DNAJC10: variants seen among roughly 807,000 people sequenced by gnomAD.
The protein encoded by DNAJC10 is DnaJ heat shock protein family (Hsp40) member C10, also known as endoplasmic reticulum disulfide reductase DNAJC10.
Under a neutral mutation model 115.0 loss-of-function variants are expected in DNAJC10, and 101 were observed. The observed-to-expected ratio is 0.88, with a 90% CI of 0.75 to 1.04. The LOEUF is 1.04. DNAJC10 is among the 50% of genes least tolerant of loss of function. The pLI, the probability that DNAJC10 is intolerant of heterozygous loss-of-function variation, is 0.00. For missense variants in DNAJC10, 981 were observed against 928.8 expected (o/e 1.06, Z -0.73); for synonymous variants, 307 against 301.5 (o/e 1.02, Z -0.19).
chr2:182,788,977 A>C lies in DNAJC10; in HGVS notation c.*11845A>C. 3.4e-6 allele frequency: 1 copy of C among 291,268 alleles called. No homozygotes were observed. Among genetic ancestry groups the C allele is most frequent in the Non-Finnish European group, 6.7e-6 (1 of 149,522 alleles). 18.0% of individuals were successfully genotyped at this position (291,268 alleles called of 1,614,324 possible). A position where few individuals can be genotyped will look rare whatever the true frequency, so the allele number is the denominator to read the frequency against. ...AAGTAGCATACAGTTCAGTAGTGTT[A>C]AGTAATTTCACATTGTTCAACCCAT... On this transcript the variant is annotated 3_prime_UTR_variant, in exon 24 of 24. Transcript: ENST00000264065.
chr2:182,754,241 AAT>A (rs1694101877), intron 16 of DNAJC10, among the ~76,000 whole-genome samples: 1 of 152,196 alleles, frequency 6.6e-6, no homozygotes, highest in Non-Finnish European at 1.5e-5. Context: ...TTTCAAGACT[AAT>A]ATAAATGTTT....
intron 14 of DNAJC10, among the ~76,000 whole-genome samples, chr2:182,746,655 G>A (rs563179376): frequency 2.0e-4 from 30 of 152,234 alleles, no homozygotes; most frequent in Non-Finnish European, 3.4e-4. Flanking sequence ...AGTAGGTTGC[G>A]AAAATTTTCT....
At chr2:182,763,051 A>G (rs1192060136) in intron 22 of DNAJC10, among the ~76,000 whole-genome samples, 1 of 152,136 alleles carries the variant, frequency 6.6e-6, no homozygotes, top group African/African-American at 2.4e-5. Context: ...TACTAGAAAG[A>G]GACAAAAAAA....
rs1694908813 is a variant in DNAJC10 at position 182,784,358 on chromosome 2, T to G, written c.*7226T>G. On this transcript the variant is annotated 3_prime_UTR_variant, in exon 24 of 24. Coordinates refer to ENST00000264065, the MANE Select transcript of DNAJC10 (RefSeq NM_018981.4). The stretch of plus-strand genomic sequence containing the variant: ...AAAACAACAAAAAAAATCATTTTGT[T>G]GGTATTTTATATAAACTTAAGAAAC... 6.6e-6 allele frequency: 1 copy of G among 152,054 alleles called. No homozygotes were observed. The highest frequency in any genetic ancestry group is 2.1e-4 in the South Asian group (1 of 4,818). 9.4% of individuals were successfully genotyped at this position (152,054 alleles called of 1,614,324 possible).
Position 182,788,090 on chromosome 2 carries a change from C to G in DNAJC10, c.*10958C>G, listed in dbSNP as rs908685597. 1 of 152,184 alleles carries G rather than the reference C, an allele frequency of 6.6e-6. No homozygotes were observed. Among genetic ancestry groups the G allele is most frequent in the Non-Finnish European group, 1.5e-5 (1 of 68,058 alleles). The allele number at this position is 152,184 out of a possible 1,614,324, so 9.4% of individuals were successfully genotyped here. ...AATGAGAGTCCTTTCCAATTTGAGC[C>G]TCGCAGAGTGGTTCCTACAGAGAAG... On this transcript the variant is annotated 3_prime_UTR_variant, in exon 24 of 24. Coordinates refer to ENST00000264065, the MANE Select transcript of DNAJC10 (RefSeq NM_018981.4).
In DNAJC10 at chr2:182,793,488, A is replaced by C. The variant is rs1695088808; in HGVS notation, c.*16356A>C. ...CAGCACTGAGAACCAGAAGACATTC[A>C]GAGAGCTCTGCTTTGCGAGGTATGC... On this transcript the variant is annotated 3_prime_UTR_variant, in exon 24 of 24. Coordinates refer to ENST00000264065, the MANE Select transcript of DNAJC10 (RefSeq NM_018981.4). 6.6e-6 allele frequency: 1 copy of C among 152,324 alleles called. No individual in the cohort carries two copies. The highest frequency in any genetic ancestry group is 2.1e-4 in the South Asian group (1 of 4,826). 9.4% of individuals were successfully genotyped at this position (152,324 alleles called of 1,614,324 possible).
Position 182,743,645 on chromosome 2 carries a change from G to C in DNAJC10, c.1239G>C (p.Leu413=). The C allele has an allele frequency of 1.9e-6, 3 of 1,613,584 alleles. No homozygotes were observed. Among genetic ancestry groups the C allele is most frequent in the Non-Finnish European group, 1.7e-6 (2 of 1,179,818 alleles). The change falls in exon 14 of 24, where the codon CTG becomes CTC. Residue 413 remains leucine (L), a synonymous_variant. Coordinates refer to ENST00000264065, the MANE Select transcript of DNAJC10 (RefSeq NM_018981.4). The part of the protein sequence containing the change: ...CSSAPDICSN[L]YVFQPSLAVF... ...CTGCACCAGACATCTGTAGTAATCT[G>C]TATGTTTTTCAGCCGTCTCTAGCAG...
rs571797643 is a variant in DNAJC10, at chr2:182,781,939, A to G, written c.*4807A>G. On this transcript the variant is annotated 3_prime_UTR_variant, in exon 24 of 24. Transcript: ENST00000264065. Reference sequence around the variant, plus strand: ...CTGATCATAGTTTCTTTTGCCATGCAGAAGCTCTTTAATTAGATCCCATTT... The same window carrying G: ...CTGATCATAGTTTCTTTTGCCATGCGGAAGCTCTTTAATTAGATCCCATTT... The G allele has an allele frequency of 6.6e-6, 1 of 152,294 alleles. No individual in the cohort carries two copies. Among genetic ancestry groups the G allele is most frequent in the Non-Finnish European group, 1.5e-5 (1 of 68,030 alleles). 9.4% of individuals were successfully genotyped at this position (152,294 alleles called of 1,614,324 possible).
chr2:182,757,869 A>C, intron 19 of DNAJC10, 44 bp downstream of exon 19: 1 of 1,155,130 alleles, frequency 8.7e-7, no homozygotes, highest in South Asian at 1.7e-5. Context: ...ATAATTATTT[A>C]ATTATACACT....
chr2:182,730,522 C>A, intron 8 of DNAJC10: 1 of 448,876 alleles, frequency 2.2e-6, no homozygotes, highest in Non-Finnish European at 4.5e-6. Flanking sequence ...AATATAGGTA[C>A]TATTATTATA....
chr2:182,756,725 C>CA (rs1280444413), intron 18 of DNAJC10, among the ~76,000 whole-genome samples: 3 of 151,906 alleles, frequency 2.0e-5, no homozygotes, highest in African/African-American at 4.8e-5. Flanking sequence ...CTCTGGAGTG[C>CA]AGTGGCGCAA....
intron 9 of DNAJC10, among the ~76,000 whole-genome samples, chr2:182,731,542 TCTTCTAGGAA>T (rs1693447763): frequency 6.6e-6 from 1 of 152,158 alleles, no homozygotes; most frequent in South Asian, 2.1e-4. Flanking sequence ...GATGACAGCT[TCTTCTAGGAA>T]CCTTTCCTTG....
chr2:182,785,844 T>A lies in DNAJC10; in HGVS notation c.*8712T>A, dbSNP rs752262350. ...AAACAGTTGGGGAAATCAGAATATT[T>A]GAATTTGATATTAACTAAGAATTGT... On this transcript the variant is annotated 3_prime_UTR_variant, in exon 24 of 24. Coordinates refer to ENST00000264065, the MANE Select transcript of DNAJC10 (RefSeq NM_018981.4). The A allele has an allele frequency of 1.4e-4, 22 of 152,278 alleles. No homozygotes were observed. Among genetic ancestry groups the A allele is most frequent in the Non-Finnish European group, 2.6e-4 (18 of 68,016 alleles). 9.4% of individuals were successfully genotyped at this position (152,278 alleles called of 1,614,324 possible). A position where few individuals can be genotyped will look rare whatever the true frequency, so the allele number is the denominator to read the frequency against.
At chr2:182,736,670 C>T (rs1169071844) in intron 11 of DNAJC10, among the ~76,000 whole-genome samples, 1 of 152,136 alleles carries the variant, frequency 6.6e-6, no homozygotes, top group Admixed American at 6.5e-5. Flanking sequence ...TATTTTTAAA[C>T]CCCAAAAGTA....
chr2:182,745,939 C>T (rs4284791), intron 14 of DNAJC10, among the ~76,000 whole-genome samples: 65,800 of 151,452 alleles, frequency 0.43, 16,735 homozygotes, highest in Middle Eastern at 0.57. Context: ...TTCCTGTGTC[C>T]ATGTGTTCTC....
intron 19 of DNAJC10, 23 bp from the exon 20 acceptor site, chr2:182,758,814 A>G (rs1694220116): frequency 6.4e-6 from 10 of 1,559,636 alleles, no homozygotes; most frequent in East Asian, 2.2e-5. Context: ...CCTATTTACA[A>G]CTAACATTTT....
intron 20 of DNAJC10, 126 bp from the exon 21 acceptor site, chr2:182,759,034 C>A: frequency 9.8e-7 from 1 of 1,025,556 alleles, no homozygotes; most frequent in Non-Finnish European, 1.4e-6. Flanking sequence ...CAAGATAGTA[C>A]TGTACTTTAT....
At chr2:182,752,785 CAG>C (rs946257570) in intron 16 of DNAJC10, among the ~76,000 whole-genome samples, 4 of 150,734 alleles carry the variant, frequency 2.7e-5, no homozygotes, top group South Asian at 2.1e-4. Flanking sequence ...AATTGAATGA[CAG>C]GGGAGCATGT....
In DNAJC10 at chr2:182,724,238, A is replaced by G. The variant is rs114266565; in HGVS notation, c.418+2163A>G. Among the ~76,000 whole-genome samples, 1,111 of 152,300 alleles carry G rather than the reference A, an allele frequency of 7.3e-3. 12 individuals are homozygous for G. The highest frequency in any genetic ancestry group is 0.025 in the African/African-American group (1,057 of 41,570). ...TGAAAAGATTGACTTTTTTTTAACA[A>G]TTCAAAACATTAATACATACTTGCT... On this transcript the variant is annotated intron_variant, in intron 5 of 23. Coordinates refer to ENST00000264065, the MANE Select transcript of DNAJC10 (RefSeq NM_018981.4).
Sources: allele counts gnomAD v4.1 joint callset (sites outside exome capture counted in the v4.1 genomes callset), GRCh38; gene constraint gnomAD v4.1.1; transcripts MANE v1.5; gene names NCBI Gene and HGNC (gene_info 2026-07-23, HGNC 2026-07-21).